Variants in GAS2L3 observed in about 807,000 individuals in gnomAD.
GAS2L3 encodes the protein GAS2-like protein 3.
GAS2L3 carries 28 observed loss-of-function variants against 37.0 expected under a neutral mutation model. The ratio of observed to expected loss-of-function variants is 0.76; its 90% CI spans 0.56 to 1.04. The LOEUF is 1.04. GAS2L3 is among the 50% of genes least tolerant of loss of function. The pLI is 0.00. For missense variants in GAS2L3, 793 were observed against 817.6 expected, an observed-to-expected ratio of 0.97 and a Z score of 0.37; for synonymous variants, 290 against 296.6, an observed-to-expected ratio of 0.98 and a Z score of 0.23.
chr12:100,583,946 G>T (rs925727426), intron 1 of GAS2L3, among the ~76,000 whole-genome samples: 5 of 152,114 alleles, frequency 3.3e-5, no homozygotes, highest in African/African-American at 4.8e-5. Flanking sequence ...ATCAAAAAAG[G>T]TCCCCCGGCA....
chr12:100,614,651 T>G (rs1482093570), intron 6 of GAS2L3, among the ~76,000 whole-genome samples: 3 of 152,194 alleles, frequency 2.0e-5, no homozygotes, highest in African/African-American at 4.8e-5. Context: ...AGAACATTTC[T>G]GGAAAATCTG....
chr12:100,590,944 G>A (rs1473747469), intron 1 of GAS2L3, among the ~76,000 whole-genome samples: 2 of 151,172 alleles, frequency 1.3e-5, no homozygotes, highest in Non-Finnish European at 2.9e-5. Flanking sequence ...AGAGTGGGAG[G>A]GGGGCAAGGG....
chr12:100,618,507 A>C lies in GAS2L3; in HGVS notation c.568A>C (p.Thr190Pro), dbSNP rs1555203613. Residue 190 changes from threonine to proline, a missense_variant, in exon 8 of 10, where the codon ACT (threonine) becomes CCT (proline). Thr to Pro is a conservative substitution (Grantham distance 38). Transcript: ENST00000547754. ...TGAGAAAGAAATTGAGTTAGAAGAG[A>C]CTTTGCTTAATACTTCTGGGCCTGA... ...KLEKEIELEE[T>P]LLNTSGPEDS... 1.2e-6 allele frequency: 2 copies of C among 1,612,624 alleles called. No homozygotes were observed. The highest frequency in any genetic ancestry group is 1.1e-5 in the South Asian group (1 of 90,824).
chr12:100,613,485 G>A (rs1034686792), intron 6 of GAS2L3, among the ~76,000 whole-genome samples: 12 of 152,062 alleles, frequency 7.9e-5, no homozygotes, highest in Non-Finnish European at 1.6e-4. Context: ...TCCTCTGTTG[G>A]TATGAATTTT....
chr12:100,603,224 C>T (rs187801692), intron 5 of GAS2L3, among the ~76,000 whole-genome samples: 81 of 152,234 alleles, frequency 5.3e-4, no homozygotes, highest in Non-Finnish European at 9.4e-4. Flanking sequence ...CCAAACTGTT[C>T]TCCACAGTGG....
intron 1 of GAS2L3, among the ~76,000 whole-genome samples, chr12:100,585,796 C>G (rs1385474614): frequency 6.6e-6 from 1 of 152,180 alleles, no homozygotes; most frequent in Non-Finnish European, 1.5e-5. Context: ...CTGTTAGATT[C>G]TAGCTCAGTC....
chr12:100,609,726 A>G (rs1956103317), intron 5 of GAS2L3, among the ~76,000 whole-genome samples: 1 of 152,196 alleles, frequency 6.6e-6, no homozygotes, highest in Non-Finnish European at 1.5e-5. Context: ...AGCTCTGATT[A>G]CTTTAATGGG....
chr12:100,575,861 C>A (rs1246457055), intron 1 of GAS2L3, among the ~76,000 whole-genome samples: 2 of 152,072 alleles, frequency 1.3e-5, no homozygotes, highest in East Asian at 1.9e-4. Flanking sequence ...TCAGTGCAGG[C>A]TTTTTTCTGT....
chr12:100,596,809 C>G (rs1955918495), intron 3 of GAS2L3, among the ~76,000 whole-genome samples: 2 of 152,054 alleles, frequency 1.3e-5, no homozygotes, highest in Non-Finnish European at 2.9e-5. Context: ...TGAAGTCACT[C>G]TCTGTGAAAA....
At chr12:100,595,386 T>G (rs1361169747) in intron 3 of GAS2L3, among the ~76,000 whole-genome samples, 1 of 151,726 alleles carries the variant, frequency 6.6e-6, no homozygotes, top group Non-Finnish European at 1.5e-5. Flanking sequence ...CCATTAAAAT[T>G]TTAAAGAGTG....
intron 1 of GAS2L3, among the ~76,000 whole-genome samples, chr12:100,574,489 G>A (rs1410364044): frequency 6.6e-6 from 1 of 152,194 alleles, no homozygotes; most frequent in Non-Finnish European, 1.5e-5. Flanking sequence ...CTTGTAGAGT[G>A]CCTTGGAAGT....
chr12:100,620,203 G>A (rs138557581), intron 8 of GAS2L3, among the ~76,000 whole-genome samples: 4 of 152,018 alleles, frequency 2.6e-5, no homozygotes, highest in Non-Finnish European at 4.4e-5. Context: ...ATAGGGCAAC[G>A]GTTTGGCAAA....
chr12:100,600,707 G>C (rs1955977339), intron 4 of GAS2L3, among the ~76,000 whole-genome samples, 157 bp downstream of exon 4: 1 of 152,178 alleles, frequency 6.6e-6, no homozygotes, highest in African/African-American at 2.4e-5. Context: ...TTACATTTCA[G>C]CTGGGGAAAT....
At chr12:100,596,135 A>T (rs1280943284) in intron 3 of GAS2L3, among the ~76,000 whole-genome samples, 1 of 152,018 alleles carries the variant, frequency 6.6e-6, no homozygotes, top group African/African-American at 2.4e-5. Flanking sequence ...GGGACTGGGG[A>T]GTCCATGACT....
At chr12:100,613,443 AAAAC>A (rs1164156053) in intron 6 of GAS2L3, among the ~76,000 whole-genome samples, 12 of 152,216 alleles carry the variant, frequency 7.9e-5, no homozygotes, top group African/African-American at 2.9e-4. Flanking sequence ...GATATTTAGA[AAAAC>A]AAATCTAGTA....
chr12:100,580,049 C>A (rs1320756541), intron 1 of GAS2L3: 3 of 1,449,906 alleles, frequency 2.1e-6, no homozygotes, highest in Non-Finnish European at 2.9e-6. Context: ...TTTTCAACTT[C>A]CTCTTCCTCA....
In GAS2L3 at chr12:100,611,984, C is replaced by A; in HGVS notation, c.304-16C>A. The A allele has an allele frequency of 1.3e-6, 2 of 1,550,084 alleles. No individual in the cohort carries two copies. Among genetic ancestry groups the A allele is most frequent in the East Asian group, 2.3e-5 (1 of 44,384 alleles). ...TCCTTGATACATTTTTGAAATTATTCTTTTGTCTTTTCCAGAATTTTCCAA... is the reference window on the plus strand; with the variant it reads ...TCCTTGATACATTTTTGAAATTATTATTTTGTCTTTTCCAGAATTTTCCAA... On this transcript the variant is annotated splice_polypyrimidine_tract_variant and intron_variant, in intron 5 of 9. Coordinates refer to ENST00000547754, the MANE Select transcript of GAS2L3 (RefSeq NM_174942.3).
rs1956322919 is a variant in GAS2L3 at position 100,625,441 on chromosome 12, T to C, written c.*551T>C. The C allele has an allele frequency of 1.3e-5, 2 of 152,200 alleles. No homozygotes were observed. The highest frequency in any genetic ancestry group is 1.5e-5 in the Non-Finnish European group (1 of 68,038). 9.4% of individuals were successfully genotyped at this position (152,200 alleles called of 1,614,324 possible). A position where few individuals can be genotyped will look rare whatever the true frequency, so the allele number is the denominator to read the frequency against. ...CTGACTAGCTTGGCATTATTCTGTG[T>C]TAGGTAGAATTCTTATTATTTATTT... On this transcript the variant is annotated 3_prime_UTR_variant, in exon 10 of 10. Coordinates refer to ENST00000547754, the MANE Select transcript of GAS2L3 (RefSeq NM_174942.3).
At chr12:100,622,478 A>C in intron 9 of GAS2L3, 96 bp downstream of exon 9, 1 of 606,518 alleles carries the variant, frequency 1.6e-6, no homozygotes, top group Non-Finnish European at 2.9e-6. Flanking sequence ...TACTTTTAAA[A>C]ACATTGGAAA....
Sources: allele counts gnomAD v4.1 joint callset (sites outside exome capture counted in the v4.1 genomes callset), GRCh38; gene constraint gnomAD v4.1.1; transcripts MANE v1.5; gene names NCBI Gene and HGNC (gene_info 2026-07-23, HGNC 2026-07-21).